The following AKAP12 variants were observed in gnomAD, a reference collection of about 807,000 sequenced individuals.
AKAP12 encodes A-kinase anchor protein 12.
Under a neutral mutation model 79.9 loss-of-function variants are expected in AKAP12, and 32 were observed. That is an observed-to-expected ratio of 0.40 (90% CI 0.30 to 0.54). The LOEUF (loss-of-function observed/expected upper bound fraction) is 0.54. Among genes scored for constraint, AKAP12 ranks in the 20% least tolerant of loss-of-function variants. The pLI is 0.48. For missense variants in AKAP12, 2,074 were observed against 2,177.0 expected (o/e 0.95, Z 0.94); for synonymous variants, 808 against 857.0 (o/e 0.94, Z 1.00).
chr6:151,354,127 C>T (rs534699802), intron 4 of AKAP12, among the ~76,000 whole-genome samples: 27 of 150,642 alleles, frequency 1.8e-4, no homozygotes, highest in African/African-American at 4.4e-4. Flanking sequence ...AATGGCTGGG[C>T]GTGGTGCCTC....
At chr6:151,336,722 G>A (rs886337321) in intron 3 of AKAP12, among the ~76,000 whole-genome samples, 1 of 152,188 alleles carries the variant, frequency 6.6e-6, no homozygotes, top group African/African-American at 2.4e-5. Context: ...CAGCCTGGGC[G>A]ACAGAGCGAG....
chr6:151,325,891 G>A (rs1246392020), intron 3 of AKAP12: 1 of 1,614,218 alleles, frequency 6.2e-7, no homozygotes, highest in Non-Finnish European at 8.5e-7. Flanking sequence ...CACAGGTAAG[G>A]CACAAGCCAG....
chr6:151,330,568 G>T (rs1325561904), intron 3 of AKAP12, among the ~76,000 whole-genome samples: 1 of 152,162 alleles, frequency 6.6e-6, no homozygotes, highest in Non-Finnish European at 1.5e-5. Context: ...GGGATGGGGA[G>T]CACTGGTGAT....
chr6:151,323,758 A>G, intron 3 of AKAP12: 1 of 985,352 alleles, frequency 1.0e-6, no homozygotes, highest in Non-Finnish European at 1.2e-6. Flanking sequence ...TCCCAGTGTT[A>G]GAATTTGGAC....
rs373506742 is a variant in AKAP12 at position 151,259,511 on chromosome 6, TACACACAC to T, written c.162+18814_162+18821del. ...ACACACATATACATGTATATATATATACACACACACACACACACACACACACACACACA... is the reference window on the plus strand; with the variant it reads ...ACACACATATACATGTATATATATATACACACACACACACACACACACACA... On this transcript the variant is annotated intron_variant, in intron 2 of 4. Transcript: ENST00000402676. Among the ~76,000 whole-genome samples, 854 of 101,108 alleles carry T rather than the reference TACACACAC, an allele frequency of 8.4e-3. 5 individuals are homozygous for T. The highest frequency in any genetic ancestry group is 0.013 in the Non-Finnish European group (663 of 51,290). The allele number at this position is 101,108 out of a possible 152,430, so 66.3% of individuals were successfully genotyped here.
chr6:151,353,062 C>A lies in AKAP12; in HGVS notation c.4671C>A (p.Ala1557=). ...TTGTCCAAAACATCATCCAGACAGC[C>A]GTTGACCAGTTTGTACGTACAGAAG... is the stretch of plus-strand genomic sequence containing the variant. ...SKLVQNIIQT[A]VDQFVRTEET... is the part of the protein sequence containing the mutation. The change falls in exon 4 of 5, where the codon GCC becomes GCA. Residue 1557 remains alanine, a synonymous_variant. Transcript: ENST00000402676. 2 of 1,614,104 alleles carry A rather than the reference C, an allele frequency of 1.2e-6. No individual in the cohort carries two copies. The highest frequency in any genetic ancestry group is 1.7e-6 in the Non-Finnish European group (2 of 1,180,030).
chr6:151,301,137 A>G (rs1776856230), intron 2 of AKAP12, among the ~76,000 whole-genome samples: 1 of 152,270 alleles, frequency 6.6e-6, no homozygotes, highest in Non-Finnish European at 1.5e-5. Flanking sequence ...AATGAATCCC[A>G]TCTGGTTCCA....
rs772323922 is a variant in AKAP12, at chr6:151,349,754, C to G, written c.1363C>G (p.Gln455Glu). Reference protein sequence around the residue: ...EELVEMDAEPQEAEPAKELVK... With the variant: ...EELVEMDAEPEEAEPAKELVK... Reference sequence around the variant, plus strand: ...ATTGGTTGAAATGGATGCAGAACCTCAGGAAGCTGAACCTGCCAAGGAGCT... The same window carrying G: ...ATTGGTTGAAATGGATGCAGAACCTGAGGAAGCTGAACCTGCCAAGGAGCT... Residue 455 changes from glutamine to glutamate, a missense_variant, in exon 4 of 5, where the codon CAG becomes GAG. Around this residue, in one of 3 missense-constraint regions of AKAP12, gnomAD observed 1,428 missense variants for 1,451.0 expected, o/e 0.98. Coordinates refer to ENST00000402676, the MANE Select transcript of AKAP12 (RefSeq NM_005100.4). 6 of 1,614,046 alleles carry G rather than the reference C, an allele frequency of 3.7e-6. No individual in the cohort carries two copies. Among genetic ancestry groups the G allele is most frequent in the Middle Eastern group, 3.3e-4 (2 of 6,062 alleles).
At chr6:151,309,113 G>C (rs1777036937) in intron 3 of AKAP12, among the ~76,000 whole-genome samples, 1 of 152,160 alleles carries the variant, frequency 6.6e-6, no homozygotes, top group South Asian at 2.1e-4. Flanking sequence ...GACCTCAGGT[G>C]ATCCGCCTGC....
At chr6:151,313,193 C>T (rs796501812) in intron 3 of AKAP12, among the ~76,000 whole-genome samples, 4 of 152,256 alleles carry the variant, frequency 2.6e-5, no homozygotes, top group African/African-American at 9.6e-5. Context: ...TGTTGGTTAG[C>T]CAGGTGTTGC....
At chr6:151,300,839 A>G (rs1238421874) in intron 2 of AKAP12, among the ~76,000 whole-genome samples, 2 of 152,154 alleles carry the variant, frequency 1.3e-5, no homozygotes, top group Admixed American at 6.5e-5. Flanking sequence ...GATTTGTTCA[A>G]AGGAGGCATT....
intron 3 of AKAP12, among the ~76,000 whole-genome samples, chr6:151,327,756 T>C (rs1777565636): frequency 6.6e-6 from 1 of 152,196 alleles, no homozygotes. Context: ...AATCAGGTAA[T>C]TGGCTCTATT....
At chr6:151,316,990 C>A (rs1466033710) in intron 3 of AKAP12, among the ~76,000 whole-genome samples, 1 of 152,182 alleles carries the variant, frequency 6.6e-6, no homozygotes, top group Non-Finnish European at 1.5e-5. Flanking sequence ...TTAACTTAGT[C>A]ACTTCGTTAA....
At chr6:151,296,322 G>C (rs946947172) in intron 2 of AKAP12, among the ~76,000 whole-genome samples, 1 of 152,202 alleles carries the variant, frequency 6.6e-6, no homozygotes, top group African/African-American at 2.4e-5. Context: ...TCTGAAACCC[G>C]ATAAGCAGTT....
rs34974747 is a variant in AKAP12 at position 151,267,014 on chromosome 6, C to CAAAA, written c.162+26313_162+26316dup. Among the ~76,000 whole-genome samples the CAAAA allele has an allele frequency of 3.7e-3, 129 of 35,332 alleles. 9 individuals carry two copies. Among genetic ancestry groups the CAAAA allele is most frequent in the South Asian group, 7.8e-3 (7 of 898 alleles). 23.2% of individuals were successfully genotyped at this position (35,332 alleles called of 152,430 possible). A position where few individuals can be genotyped will look rare whatever the true frequency, so the allele number is the denominator to read the frequency against. Reference sequence around the variant, plus strand: ...TGGCGGACAGAGCGAGACTCCATCTCAAAAAAAAAAAAAAAAAAAAAAAAA... The same window carrying CAAAA: ...TGGCGGACAGAGCGAGACTCCATCTCAAAAAAAAAAAAAAAAAAAAAAAAAAAAA... On this transcript the variant is annotated intron_variant, in intron 2 of 4. Coordinates refer to ENST00000402676, the MANE Select transcript of AKAP12 (RefSeq NM_005100.4).
At chr6:151,327,962 G>A (rs763581221) in intron 3 of AKAP12, among the ~76,000 whole-genome samples, 4 of 152,198 alleles carry the variant, frequency 2.6e-5, no homozygotes, top group African/African-American at 4.8e-5. Context: ...AAGTTATTCT[G>A]ATGGGGAAGA....
rs1042063 is a variant in AKAP12 at position 151,349,737 on chromosome 6, A to T, written c.1346A>T (p.Glu449Val). The change falls in exon 4 of 5, where the codon GAA (glutamate) becomes GTA (valine). Residue 449 changes from glutamate to valine, a missense_variant. Glu to Val is a moderately radical substitution (Grantham distance 121, BLOSUM62 -2). Around this residue, in one of 3 missense-constraint regions of AKAP12, gnomAD observed 1,428 missense variants for 1,451.0 expected, o/e 0.98. Coordinates refer to ENST00000402676, the MANE Select transcript of AKAP12 (RefSeq NM_005100.4). ...AGSVPAEELV[E>V]MDAEPQEAEP... ...TCTGTGCCAGCTGAAGAATTGGTTGAAATGGATGCAGAACCTCAGGAAGCT... is the reference window on the plus strand; with the variant it reads ...TCTGTGCCAGCTGAAGAATTGGTTGTAATGGATGCAGAACCTCAGGAAGCT... 2 of 1,614,038 alleles carry T rather than the reference A, an allele frequency of 1.2e-6. No individual in the cohort carries two copies. The highest frequency in any genetic ancestry group is 8.5e-7 in the Non-Finnish European group (1 of 1,180,038).
chr6:151,297,100 T>C (rs9479007), intron 2 of AKAP12, among the ~76,000 whole-genome samples: 66,673 of 149,858 alleles, frequency 0.44, 16,665 homozygotes, highest in East Asian at 0.9. Context: ...GCTACAGCTA[T>C]TGACTTGTAT....
chr6:151,282,564 C>T (rs1203519791), intron 2 of AKAP12, among the ~76,000 whole-genome samples: 1 of 152,090 alleles, frequency 6.6e-6, no homozygotes, highest in Non-Finnish European at 1.5e-5. Flanking sequence ...ATCTTGGGCC[C>T]CCAGGACAGG....
Sources: allele counts gnomAD v4.1 joint callset (sites outside exome capture counted in the v4.1 genomes callset), GRCh38; gene constraint gnomAD v4.1.1; regional missense constraint gnomAD v4.1.1; transcripts MANE v1.5; gene names NCBI Gene and HGNC (gene_info 2026-07-23, HGNC 2026-07-21).